The following AKAP10 variants were observed in gnomAD, a reference collection of about 807,000 sequenced individuals.
AKAP10 encodes the protein A-kinase anchor protein 10, mitochondrial.
Under a neutral mutation model 80.8 loss-of-function variants are expected in AKAP10, and 24 were observed. That is an observed-to-expected ratio of 0.30 (90% CI 0.22 to 0.42). The LOEUF is 0.42. Among genes scored for constraint, AKAP10 ranks in the 10% least tolerant of loss-of-function variants. The pLI is 1.00. For missense variants in AKAP10, 661 were observed against 794.9 expected (o/e 0.83, Z 2.03); for synonymous variants, 291 against 277.7 (o/e 1.05, Z -0.48).
chr17:19,943,281 A>G (rs2043068827), intron 5 of AKAP10, among the ~76,000 whole-genome samples: 1 of 152,128 alleles, frequency 6.6e-6, no homozygotes, highest in Non-Finnish European at 1.5e-5. Context: ...TGTGGCCTCT[A>G]AAGAGCTTTA....
intron 8 of AKAP10, among the ~76,000 whole-genome samples, chr17:19,938,876 G>A (rs1448019956): frequency 1.3e-5 from 2 of 151,914 alleles, no homozygotes; most frequent in African/African-American, 4.8e-5. Context: ...AGGACAACAG[G>A]CGCACGCCAT....
chr17:19,915,400 A>G (rs1435972920), intron 12 of AKAP10, among the ~76,000 whole-genome samples: 1 of 152,252 alleles, frequency 6.6e-6, no homozygotes, highest in Non-Finnish European at 1.5e-5. Context: ...AAGCTGGAGT[A>G]AAACAGACTG....
intron 10 of AKAP10, among the ~76,000 whole-genome samples, chr17:19,929,156 C>G (rs1462512751): frequency 6.6e-6 from 1 of 152,042 alleles, no homozygotes; most frequent in Non-Finnish European, 1.5e-5. Context: ...ATAAGCAAAT[C>G]TATTGTCTCT....
chr17:19,959,144 C>T (rs990780205), intron 3 of AKAP10, among the ~76,000 whole-genome samples: 1 of 151,966 alleles, frequency 6.6e-6, no homozygotes, highest in Admixed American at 6.6e-5. Context: ...TGAGCCACTG[C>T]GCCCAGCCCA....
intron 4 of AKAP10, among the ~76,000 whole-genome samples, chr17:19,948,743 G>T (rs1376603665): frequency 6.6e-6 from 1 of 152,082 alleles, no homozygotes; most frequent in African/African-American, 2.4e-5. Flanking sequence ...TGCACTCCCG[G>T]GGCCACTCGT....
chr17:19,958,309 A>G lies in AKAP10; in HGVS notation c.582T>C (p.Thr194=), dbSNP rs952616436. ...GAGAATCAGTTAAAAAAGACGCTGT[A>G]GTTTCATGCTTTTTAGATGGAGAGA... The part of the protein sequence containing the change: ...EPVSPSKKHE[T]TASFLTDSLD... Residue 194 remains threonine (T), a synonymous_variant, in exon 4 of 15, where the codon ACT becomes ACC. Coordinates refer to ENST00000225737, the MANE Select transcript of AKAP10 (RefSeq NM_007202.4). 1 of 1,614,084 alleles carries G rather than the reference A, an allele frequency of 6.2e-7. No homozygotes were observed. The highest frequency in any genetic ancestry group is 1.3e-5 in the African/African-American group (1 of 74,934).
intron 10 of AKAP10, among the ~76,000 whole-genome samples, chr17:19,926,742 C>G (rs2152412142): frequency 6.6e-6 from 1 of 152,314 alleles, no homozygotes; most frequent in South Asian, 2.1e-4. Context: ...ACTCTGAAAA[C>G]TACAAAATTC....
At chr17:19,921,590 C>A (rs1179037717) in intron 11 of AKAP10, among the ~76,000 whole-genome samples, 1 of 151,804 alleles carries the variant, frequency 6.6e-6, no homozygotes, top group Non-Finnish European at 1.5e-5. Flanking sequence ...AACCCCAGCA[C>A]TTTGGGAGGC....
intron 10 of AKAP10, among the ~76,000 whole-genome samples, chr17:19,928,244 A>AAT (rs2042895640): frequency 6.6e-6 from 1 of 152,086 alleles, no homozygotes; most frequent in South Asian, 2.1e-4. Context: ...TAAATAAATA[A>AAT]AAATAAAAAT....
chr17:19,970,770 C>T (rs2043485655), intron 1 of AKAP10, among the ~76,000 whole-genome samples: 1 of 151,900 alleles, frequency 6.6e-6, no homozygotes, highest in East Asian at 1.9e-4. Flanking sequence ...TTGCGGTGAG[C>T]TGAGATTACA....
At position 19,939,733 on chromosome 17, in the gene AKAP10, A is replaced by C; in HGVS notation, c.1302T>G (p.Asp434Glu). The change falls in exon 8 of 15, where the codon GAT (aspartate) becomes GAG (glutamate). Residue 434 changes from aspartate (D) to glutamate (E), a missense_variant. Coordinates refer to ENST00000225737, the MANE Select transcript of AKAP10 (RefSeq NM_007202.4). ...CTCACTTGTCATATAAAATCATGGC[A>C]TCATTCTGTGCCTCCTGTCCATCAT... ...GQYDGQEAQN[D>E]AMILYDKYFS... 1.2e-6 allele frequency: 2 copies of C among 1,613,768 alleles called. No individual in the cohort carries two copies. Among genetic ancestry groups the C allele is most frequent in the Non-Finnish European group, 1.7e-6 (2 of 1,179,974 alleles).
intron 1 of AKAP10, among the ~76,000 whole-genome samples, chr17:19,974,244 G>C (rs2043536381): frequency 6.6e-6 from 1 of 152,128 alleles, no homozygotes; most frequent in South Asian, 2.1e-4. Flanking sequence ...AAAAACTGAT[G>C]AGCAGGTTTA....
At chr17:19,936,136 C>G (rs1041211956) in intron 9 of AKAP10, 150 bp downstream of exon 9, 7 of 809,218 alleles carry the variant, frequency 8.7e-6, no homozygotes, top group Admixed American at 3.1e-5. Context: ...CTGTACATAC[C>G]AGGCCAGACT....
intron 1 of AKAP10, among the ~76,000 whole-genome samples, chr17:19,975,050 A>G (rs1440980033): frequency 6.6e-6 from 1 of 151,962 alleles, no homozygotes; most frequent in Admixed American, 6.6e-5. Context: ...TGTTTGACAC[A>G]TGGTCTCACT....
intron 1 of AKAP10, 33 bp downstream of exon 1, chr17:19,977,559 G>C: frequency 8.1e-7 from 1 of 1,230,492 alleles, no homozygotes; most frequent in Non-Finnish European, 1.0e-6. Context: ...CCTGAGGCCC[G>C]GCCTGACTCC....
chr17:19,938,426 G>A (rs1042017295), intron 8 of AKAP10, among the ~76,000 whole-genome samples: 2 of 148,222 alleles, frequency 1.3e-5, no homozygotes, highest in Non-Finnish European at 3.0e-5. Flanking sequence ...TAGTAGAGAC[G>A]GGGTTTTACC....
intron 4 of AKAP10, among the ~76,000 whole-genome samples, chr17:19,952,982 CTGTA>C (rs1393155857): frequency 2.0e-5 from 3 of 152,012 alleles, no homozygotes; most frequent in Non-Finnish European, 4.4e-5. Flanking sequence ...AATCTTTATA[CTGTA>C]TGTGGTATAT....
intron 1 of AKAP10, among the ~76,000 whole-genome samples, chr17:19,976,253 G>A (rs200658555): frequency 6.6e-6 from 1 of 152,004 alleles, no homozygotes; most frequent in South Asian, 2.1e-4. Context: ...TTGGGAGGCC[G>A]AGGTGGGAGG....
chr17:19,955,521 T>C (rs1385753764), intron 4 of AKAP10, among the ~76,000 whole-genome samples: 1 of 152,162 alleles, frequency 6.6e-6, no homozygotes, highest in African/African-American at 2.4e-5. Context: ...TTATTGAAAA[T>C]TACCACTAAA....
Sources: allele counts gnomAD v4.1 joint callset (sites outside exome capture counted in the v4.1 genomes callset), GRCh38; gene constraint gnomAD v4.1.1; transcripts MANE v1.5; gene names NCBI Gene and HGNC (gene_info 2026-07-23, HGNC 2026-07-21).